The following ADCY5 variants were observed in gnomAD, a reference collection of about 807,000 sequenced individuals.
ADCY5 encodes the protein adenylate cyclase type 5.
ADCY5 carries 30 observed loss-of-function variants against 119.7 expected under a neutral mutation model. The observed-to-expected ratio is 0.25, with a 90% CI of 0.19 to 0.34. The LOEUF (loss-of-function observed/expected upper bound fraction) is 0.34. Ranked by LOEUF, ADCY5 falls within the 10% of genes least tolerant of loss-of-function variation. The pLI, the probability that ADCY5 is intolerant of heterozygous loss-of-function variation, is 1.00. For missense variants in ADCY5, 1,324 were observed against 1,775.2 expected (o/e 0.75, Z 4.57); for synonymous variants, 753 against 762.2 (o/e 0.99, Z 0.20).
In ADCY5 at chr3:123,320,961, G is replaced by A. The variant is rs112520557; in HGVS notation, c.2089-190C>T. Among the ~76,000 whole-genome samples the A allele has an allele frequency of 0.039, 5,934 of 152,276 alleles. 174 individuals are homozygous for A. The highest frequency in any genetic ancestry group is 0.078 in the Middle Eastern group (23 of 294). On this transcript the variant is annotated intron_variant, in intron 8 of 20. Coordinates refer to ENST00000462833, the MANE Select transcript of ADCY5 (RefSeq NM_183357.3). ...GAGAATACAGCTGGGTTCTCCCTAA[G>A]AGACAGGTGCTGTGCTAGACGCCGG...
At position 123,345,765 on chromosome 3, in the gene ADCY5, G is replaced by GACACACAC. The variant is rs1491192654; in HGVS notation, c.1406+2016_1406+2017insGTGTGTGT. Among the ~76,000 whole-genome samples the GACACACAC allele has an allele frequency of 1.1e-3, 152 of 135,434 alleles. 2 individuals carry two copies. The highest frequency in any genetic ancestry group is 4.2e-3 in the African/African-American group (138 of 33,068). 88.8% of individuals were successfully genotyped at this position (135,434 alleles called of 152,430 possible). A position where few individuals can be genotyped will look rare whatever the true frequency, so the allele number is the denominator to read the frequency against. On this transcript the variant is annotated intron_variant, in intron 3 of 20. Transcript: ENST00000462833. ...AGACAGACAGACAGACAGACAGACAGACAGACACACACACACACACACACA... is the reference window on the plus strand; with the variant it reads ...AGACAGACAGACAGACAGACAGACAGACACACACACAGACACACACACACACACACACA...
Position 123,330,879 on chromosome 3 carries a change from G to A in ADCY5, c.1646+10C>T, listed in dbSNP as rs748017406. ...GGGAGGGAGACGGTACCCGGGGGGT[G>A]GACACTTACGAGATGGCCTCGATCA... is the stretch of plus-strand genomic sequence containing the variant. On this transcript the variant is annotated intron_variant, in intron 5 of 20. Coordinates refer to ENST00000462833, the MANE Select transcript of ADCY5 (RefSeq NM_183357.3). 1.2e-6 allele frequency: 2 copies of A among 1,606,004 alleles called. No homozygotes were observed. Among genetic ancestry groups the A allele is most frequent in the South Asian group, 1.1e-5 (1 of 90,138 alleles).
intron 3 of ADCY5, among the ~76,000 whole-genome samples, chr3:123,338,467 C>T (rs1306242179): frequency 6.6e-6 from 1 of 152,232 alleles, no homozygotes. Context: ...CTACAGCAGA[C>T]TGTCTGTTCT....
intron 11 of ADCY5, among the ~76,000 whole-genome samples, chr3:123,314,529 G>A (rs1411345071): frequency 6.6e-6 from 1 of 152,232 alleles, no homozygotes; most frequent in Non-Finnish European, 1.5e-5. Flanking sequence ...GACTCCCTGA[G>A]TAGGGCTTAC....
chr3:123,446,814 G>C (rs979055353), intron 1 of ADCY5, among the ~76,000 whole-genome samples: 2 of 152,188 alleles, frequency 1.3e-5, no homozygotes, highest in African/African-American at 2.4e-5. Flanking sequence ...CTTTAGCGAA[G>C]GGCAGGTTTT....
At chr3:123,402,921 T>C (rs1283079615) in intron 1 of ADCY5, among the ~76,000 whole-genome samples, 4 of 151,656 alleles carry the variant, frequency 2.6e-5, no homozygotes, top group Non-Finnish European at 4.4e-5. Context: ...GAAGATGTAT[T>C]TATGTTATAT....
chr3:123,379,703 AG>A (rs2107554065), intron 1 of ADCY5, among the ~76,000 whole-genome samples: 1 of 152,082 alleles, frequency 6.6e-6, no homozygotes, highest in East Asian at 1.9e-4. Flanking sequence ...GAGGGTGGGG[AG>A]GCCTCACAGT....
chr3:123,335,837 G>T (rs1483451223), intron 3 of ADCY5, among the ~76,000 whole-genome samples: 1 of 152,230 alleles, frequency 6.6e-6, no homozygotes, highest in Non-Finnish European at 1.5e-5. Flanking sequence ...AACCACTGCT[G>T]TTTCCCCAAA....
At chr3:123,376,700 G>A (rs60414302) in intron 1 of ADCY5, among the ~76,000 whole-genome samples, 3 of 152,104 alleles carry the variant, frequency 2.0e-5, no homozygotes, top group South Asian at 4.2e-4. Flanking sequence ...AGTGGCTGGC[G>A]TGAGTGAAGA....
At chr3:123,387,642 T>A (rs1394298031) in intron 1 of ADCY5, among the ~76,000 whole-genome samples, 2 of 152,160 alleles carry the variant, frequency 1.3e-5, no homozygotes, top group Non-Finnish European at 2.9e-5. Flanking sequence ...GATATTCAAA[T>A]CAAGGGAAAT....
At chr3:123,447,088 A>C (rs895015837) in intron 1 of ADCY5, among the ~76,000 whole-genome samples, 1 of 152,192 alleles carries the variant, frequency 6.6e-6, no homozygotes, top group Middle Eastern at 3.2e-3. Context: ...ATAGGAACAG[A>C]AGCTCAGGAA....
At chr3:123,358,578 C>A (rs1943127469) in intron 1 of ADCY5, among the ~76,000 whole-genome samples, 1 of 152,082 alleles carries the variant, frequency 6.6e-6, no homozygotes. Flanking sequence ...CTAGCCTGGG[C>A]AACAAAGCGA....
At chr3:123,292,827 C>T (rs1939240870) in intron 17 of ADCY5, among the ~76,000 whole-genome samples, 1 of 152,246 alleles carries the variant, frequency 6.6e-6, no homozygotes, top group African/African-American at 2.4e-5. Flanking sequence ...AGTCCTGCTC[C>T]TACCTCTGCT....
Position 123,419,995 on chromosome 3 carries a change from A to G in ADCY5, c.1134+27417T>C, listed in dbSNP as rs141320262. Among the ~76,000 whole-genome samples, 58 of 151,516 alleles carry G rather than the reference A, an allele frequency of 3.8e-4. 1 individual carries two copies. The East Asian group carries it at 0.011, about 28-fold the overall frequency. On this transcript the variant is annotated intron_variant, in intron 1 of 20. Coordinates refer to ENST00000462833, the MANE Select transcript of ADCY5 (RefSeq NM_183357.3). ...GGGTGAAGCCTGCACCATCCTCATCACTGTATCCCTGGGCTATACATACAG... is the reference window on the plus strand; with the variant it reads ...GGGTGAAGCCTGCACCATCCTCATCGCTGTATCCCTGGGCTATACATACAG...
chr3:123,310,103 TACACACACACACACACACAC>T (rs60966110), intron 12 of ADCY5, among the ~76,000 whole-genome samples: 11 of 121,218 alleles, frequency 9.1e-5, no homozygotes, highest in African/African-American at 3.1e-4. Flanking sequence ...GAGAGAGATT[TACACACACACACACACACAC>T]ACACACACAC....
At chr3:123,422,474 G>C (rs946365494) in intron 1 of ADCY5, among the ~76,000 whole-genome samples, 2 of 152,242 alleles carry the variant, frequency 1.3e-5, no homozygotes, top group Non-Finnish European at 2.9e-5. Context: ...CTGAGGGTCA[G>C]ACAGTTGCCA....
intron 2 of ADCY5, among the ~76,000 whole-genome samples, chr3:123,349,524 CT>C (rs1942735221): frequency 6.6e-6 from 1 of 152,214 alleles, no homozygotes; most frequent in African/African-American, 2.4e-5. Flanking sequence ...CCCGATCTCT[CT>C]GAAACACTAC....
chr3:123,377,472 T>G (rs994283899), intron 1 of ADCY5, among the ~76,000 whole-genome samples: 2 of 152,088 alleles, frequency 1.3e-5, no homozygotes, highest in Non-Finnish European at 2.9e-5. Context: ...CCTCTCAGAG[T>G]GGGTCCCCCC....
chr3:123,430,171 T>C (rs1945494192), intron 1 of ADCY5, among the ~76,000 whole-genome samples: 1 of 152,190 alleles, frequency 6.6e-6, no homozygotes, highest in South Asian at 2.1e-4. Flanking sequence ...TTCAGTTCCC[T>C]TAAGATAAAC....
Sources: gnomAD v4.1 joint callset for allele counts (sites outside exome capture counted in the v4.1 genomes callset) on GRCh38, gnomAD v4.1.1 for gene constraint, MANE v1.5 for transcripts, NCBI Gene and HGNC (gene_info 2026-07-23, HGNC 2026-07-21) for gene names.